The following BIK variants were observed in gnomAD, a reference collection of about 807,000 sequenced individuals.
The protein encoded by BIK is bcl-2-interacting killer.
In BIK, 14 loss-of-function variants were observed where a neutral mutation model predicts 12.1. The ratio of observed to expected loss-of-function variants is 1.16; its 90% CI spans 0.77 to 1.81. BIK has a LOEUF of 1.81. Among genes scored for constraint, BIK ranks in the 40% most tolerant of loss-of-function variants. The probability of loss-of-function intolerance (pLI) is 0.00; values close to 1 mark genes in which losing one functional copy is unlikely to be tolerated. For synonymous variants in BIK, 86 were observed against 92.3 expected (o/e 0.93, Z 0.39); for missense variants, 215 against 207.9 (o/e 1.03, Z -0.21).
chr22:43,127,065 C>G (rs1486271850), intron 2 of BIK, among the ~76,000 whole-genome samples: 1 of 152,126 alleles, frequency 6.6e-6, no homozygotes, highest in Non-Finnish European at 1.5e-5. Context: ...CCCAGACCAG[C>G]AAGCTGGGAG....
At chr22:43,116,619 C>T (rs758648420) in intron 1 of BIK, among the ~76,000 whole-genome samples, 6 of 152,062 alleles carry the variant, frequency 3.9e-5, no homozygotes, top group Non-Finnish European at 7.3e-5. Context: ...CCCCCACGCC[C>T]GGCTAATTTT....
intron 1 of BIK, among the ~76,000 whole-genome samples, chr22:43,112,446 G>GCCTGA (rs1930029731): frequency 6.6e-6 from 1 of 151,788 alleles, no homozygotes; most frequent in Non-Finnish European, 1.5e-5. Flanking sequence ...CGATCCACCC[G>GCCTGA]CCTCAGCCTC....
intron 1 of BIK, among the ~76,000 whole-genome samples, chr22:43,122,318 A>C (rs4988406): frequency 0.2 from 29,725 of 152,162 alleles, 3,216 homozygotes; most frequent in African/African-American, 0.29. Flanking sequence ...GAAAATAATG[A>C]GTTGAAGCAT....
intron 1 of BIK, among the ~76,000 whole-genome samples, chr22:43,118,528 C>A (rs1388549207): frequency 6.6e-6 from 1 of 152,136 alleles, no homozygotes. Flanking sequence ...CAGGGCGTTT[C>A]CTGCTGGGTT....
chr22:43,112,557 C>G (rs1172434838), intron 1 of BIK, among the ~76,000 whole-genome samples: 1 of 151,762 alleles, frequency 6.6e-6, no homozygotes, highest in African/African-American at 2.4e-5. Context: ...AGACGTGAGC[C>G]CCTATGCCTG....
intron 2 of BIK, among the ~76,000 whole-genome samples, chr22:43,127,175 C>T (rs1227052114): frequency 6.6e-6 from 1 of 152,080 alleles, no homozygotes; most frequent in Non-Finnish European, 1.5e-5. Context: ...TTCTTAGTCC[C>T]CCCATTTGGA....
chr22:43,128,949 A>G (rs1254257441), intron 4 of BIK, among the ~76,000 whole-genome samples: 1 of 152,166 alleles, frequency 6.6e-6, no homozygotes, highest in African/African-American at 2.4e-5. Flanking sequence ...CGCCCACCAC[A>G]AGGGCAGCTG....
At chr22:43,112,226 T>G (rs1346827079) in intron 1 of BIK, among the ~76,000 whole-genome samples, 1 of 152,212 alleles carries the variant, frequency 6.6e-6, no homozygotes, top group African/African-American at 2.4e-5. Flanking sequence ...GAAACAGAGC[T>G]TCGCTCTTGT....
intron 4 of BIK, 83 bp downstream of exon 4, chr22:43,128,708 C>G (rs1410069473): frequency 6.7e-7 from 1 of 1,494,326 alleles, no homozygotes. Flanking sequence ...CGCCACAGTC[C>G]CCACCACTCC....
chr22:43,128,591 TGAG>T lies in BIK; in HGVS notation c.358_360del (p.Arg120del), dbSNP rs1462640263. 6.2e-7 allele frequency: 1 copy of T among 1,613,838 alleles called. No homozygotes were observed. Among genetic ancestry groups the T allele is most frequent in the South Asian group, 1.1e-5 (1 of 91,068 alleles). On this transcript the variant is annotated inframe_deletion, in exon 4 of 5. Transcript: ENST00000216115. The stretch of plus-strand genomic sequence containing the variant: ...TTCACCACACTTAAGGAGAACATAA[TGAG>T]GTTCTGGAGATCCCCGAACCCCGGG...
chr22:43,113,869 G>A (rs1315553960), intron 1 of BIK, among the ~76,000 whole-genome samples: 1 of 152,230 alleles, frequency 6.6e-6, no homozygotes, highest in African/African-American at 2.4e-5. Flanking sequence ...TGAGCCGTAT[G>A]GAGGAAGTCT....
At chr22:43,118,524 G>A (rs776886870) in intron 1 of BIK, among the ~76,000 whole-genome samples, 1 of 152,170 alleles carries the variant, frequency 6.6e-6, no homozygotes, top group African/African-American at 2.4e-5. Context: ...GGCTCAGGGC[G>A]TTTCCTGCTG....
chr22:43,113,072 C>T lies in BIK; in HGVS notation c.-8+2269C>T, dbSNP rs528535604. On this transcript the variant is annotated intron_variant, in intron 1 of 4. Coordinates refer to ENST00000216115, the MANE Select transcript of BIK (RefSeq NM_001197.5). Reference sequence around the variant, plus strand: ...TGCAAAAATTAGCCGGTCGTGGTGGCGTGTGTCTGTAATCCCAGCTACTTG... The same window carrying T: ...TGCAAAAATTAGCCGGTCGTGGTGGTGTGTGTCTGTAATCCCAGCTACTTG... Among the ~76,000 whole-genome samples the T allele has an allele frequency of 2.4e-4, 37 of 152,132 alleles. 1 individual carries two copies. In the South Asian group the frequency reaches 7.3e-3, roughly 30 times the overall value.
chr22:43,112,235 G>C (rs1160214518), intron 1 of BIK, among the ~76,000 whole-genome samples: 2 of 152,202 alleles, frequency 1.3e-5, no homozygotes, highest in African/African-American at 4.8e-5. Context: ...CTTCGCTCTT[G>C]TTGCCCAGGC....
At chr22:43,116,314 C>T (rs1027031862) in intron 1 of BIK, among the ~76,000 whole-genome samples, 5 of 152,148 alleles carry the variant, frequency 3.3e-5, no homozygotes, top group African/African-American at 9.7e-5. Flanking sequence ...CTCACTCTGT[C>T]GCCCAGGCTG....
intron 1 of BIK, among the ~76,000 whole-genome samples, chr22:43,117,304 G>A (rs1044833531): frequency 6.6e-6 from 1 of 151,494 alleles, no homozygotes; most frequent in Admixed American, 6.6e-5. Context: ...AGAGAAAAAA[G>A]TGAGCTGTCT....
Position 43,124,107 on chromosome 22 carries a change from G to T in BIK, c.85G>T (p.Val29Phe), listed in dbSNP as rs748570562. 7.4e-6 allele frequency: 12 copies of T among 1,614,060 alleles called. No individual in the cohort carries two copies. Among genetic ancestry groups the T allele is most frequent in the Non-Finnish European group, 9.3e-6 (11 of 1,180,046 alleles). Residue 29 changes from valine (V) to phenylalanine (F), a missense_variant, in exon 2 of 5, where the codon GTT (valine) becomes TTT (phenylalanine). Transcript: ENST00000216115. ...EQLLEPPTME[V>F]LGMTDSEEDL... ...GCTCCTGGAACCCCCGACCATGGAG[G>T]TTCTTGGCATGACTGACTCTGAAGA...
At chr22:43,111,009 C>A (rs1929999172) in intron 1 of BIK, among the ~76,000 whole-genome samples, 1 of 152,178 alleles carries the variant, frequency 6.6e-6, no homozygotes, top group Non-Finnish European at 1.5e-5. Flanking sequence ...TCCAGGTCCC[C>A]GACGGGCGAT....
At chr22:43,126,775 G>C (rs532052638) in intron 2 of BIK, among the ~76,000 whole-genome samples, 1 of 152,246 alleles carries the variant, frequency 6.6e-6, no homozygotes, top group South Asian at 2.1e-4. Context: ...AATGGACAAG[G>C]TTGGAGGACA....
Sources: allele counts gnomAD v4.1 joint callset (sites outside exome capture counted in the v4.1 genomes callset), GRCh38; gene constraint gnomAD v4.1.1; transcripts MANE v1.5; gene names NCBI Gene and HGNC (gene_info 2026-07-23, HGNC 2026-07-21).